The following CSMD1 variants were observed in gnomAD, a reference collection of about 807,000 sequenced individuals.
The protein encoded by CSMD1 is CUB and sushi domain-containing protein 1.
In CSMD1, 213 loss-of-function variants were observed where a neutral mutation model predicts 417.5. The observed-to-expected ratio is 0.51, with a 90% CI of 0.46 to 0.57. The LOEUF (loss-of-function observed/expected upper bound fraction) is 0.57, where lower values mean the gene tolerates loss of function less well. Ranked by LOEUF, CSMD1 falls within the 20% of genes least tolerant of loss-of-function variation. CSMD1 has a pLI of 0.00. For missense variants in CSMD1, 6,923 were observed against 4,529.7 expected (o/e 1.53, Z -15.17); for synonymous variants, 2,862 against 1,736.8 (o/e 1.65, Z -16.11).
chr8:4,017,391 C>A (rs532048316), intron 4 of CSMD1, among the ~76,000 whole-genome samples: 1 of 152,152 alleles, frequency 6.6e-6, no homozygotes, highest in African/African-American at 2.4e-5. Context: ...CTACAACCTC[C>A]GCCTCCCGGG....
intron 3 of CSMD1, among the ~76,000 whole-genome samples, chr8:4,275,523 G>A (rs188601945): frequency 6.6e-6 from 1 of 152,224 alleles, no homozygotes; most frequent in Admixed American, 6.5e-5. Context: ...TGCTGCTTTT[G>A]TAACTGTTAC....
Position 3,937,927 on chromosome 8 carries a change from A to T in CSMD1, c.818+59976T>A, listed in dbSNP as rs373958745. On this transcript the variant is annotated intron_variant, in intron 5 of 69. Coordinates refer to ENST00000635120, the MANE Select transcript of CSMD1 (RefSeq NM_033225.6). Reference sequence around the variant, plus strand: ...GAGTTATAAAACTTTATTAAACCTCAGTTCTAATGTTTAGTTACATACTAA... The same window carrying T: ...GAGTTATAAAACTTTATTAAACCTCTGTTCTAATGTTTAGTTACATACTAA... Among the ~76,000 whole-genome samples, 131 of 152,294 alleles carry T rather than the reference A, an allele frequency of 8.6e-4. 3 individuals are homozygous for T. The South Asian group carries it at 0.026, about 31-fold the overall frequency.
At chr8:4,559,679 G>T (rs886562051) in intron 2 of CSMD1, among the ~76,000 whole-genome samples, 2 of 152,128 alleles carry the variant, frequency 1.3e-5, no homozygotes, top group African/African-American at 4.8e-5. Context: ...ATACCTGAAG[G>T]TCAGTAAAAT....
At chr8:4,977,749 A>T (rs1563918948) in intron 1 of CSMD1, among the ~76,000 whole-genome samples, 2 of 152,210 alleles carry the variant, frequency 1.3e-5, no homozygotes, top group African/African-American at 4.8e-5. Context: ...GGTTGCAGGC[A>T]GGTTCACCTG....
At chr8:3,412,620 G>A (rs1489128348) in intron 12 of CSMD1, among the ~76,000 whole-genome samples, 1 of 152,154 alleles carries the variant, frequency 6.6e-6, no homozygotes, top group Non-Finnish European at 1.5e-5. Flanking sequence ...ATTTGGTTGA[G>A]GTTCAAGGTA....
intron 30 of CSMD1, among the ~76,000 whole-genome samples, chr8:3,206,143 C>G (rs1405205907): frequency 6.6e-6 from 1 of 151,354 alleles, no homozygotes; most frequent in Admixed American, 6.6e-5. Context: ...TTTGGGGTCT[C>G]TTCCTATGAG....
intron 3 of CSMD1, among the ~76,000 whole-genome samples, chr8:4,203,655 T>C (rs1006155007): frequency 1.3e-5 from 2 of 152,028 alleles, no homozygotes; most frequent in Admixed American, 6.6e-5. Flanking sequence ...ACATTGGAAG[T>C]TGGTTCCTCT....
chr8:4,898,310 G>A (rs914309995), intron 1 of CSMD1, among the ~76,000 whole-genome samples: 2 of 152,072 alleles, frequency 1.3e-5, no homozygotes, highest in African/African-American at 2.4e-5. Flanking sequence ...CAAGACACCT[G>A]TCATCTTTGA....
rs114745753 is a variant in CSMD1, at chr8:4,593,310, G to C, written c.302+44032C>G. Among the ~76,000 whole-genome samples the C allele has an allele frequency of 1.0e-3, 156 of 152,238 alleles. 2 individuals carry two copies. The highest frequency in any genetic ancestry group is 3.6e-3 in the African/African-American group (149 of 41,538). On this transcript the variant is annotated intron_variant, in intron 2 of 69. Transcript: ENST00000635120. ...TCCCTCTCCTCTTTACGCATACATAGCAAATTAATTAAATACTTCTGCAGC... is the reference window on the plus strand; with the variant it reads ...TCCCTCTCCTCTTTACGCATACATACCAAATTAATTAAATACTTCTGCAGC...
chr8:3,670,672 T>A (rs553536600), intron 7 of CSMD1, among the ~76,000 whole-genome samples: 1 of 143,548 alleles, frequency 7.0e-6, no homozygotes, highest in Admixed American at 7.0e-5. Flanking sequence ...TATATGTACA[T>A]GGTTATATAT....
At chr8:4,784,777 C>T (rs1012833769) in intron 1 of CSMD1, among the ~76,000 whole-genome samples, 8 of 152,172 alleles carry the variant, frequency 5.3e-5, no homozygotes, top group African/African-American at 1.7e-4. Context: ...ACAATTCTCT[C>T]TTCATATAAC....
intron 6 of CSMD1, among the ~76,000 whole-genome samples, chr8:3,737,230 T>A (rs200577750): frequency 1.5e-5 from 1 of 68,370 alleles, no homozygotes; most frequent in Admixed American, 1.7e-4. Flanking sequence ...GATTTTTTGC[T>A]TTCTAGAGAT....
chr8:4,635,416 G>C (rs1003659138), intron 2 of CSMD1, among the ~76,000 whole-genome samples: 3 of 151,980 alleles, frequency 2.0e-5, no homozygotes, highest in Non-Finnish European at 4.4e-5. Flanking sequence ...AGTACCATAA[G>C]ACCATAAGAG....
At chr8:3,269,772 C>G (rs1162863307) in intron 26 of CSMD1, among the ~76,000 whole-genome samples, 1 of 152,140 alleles carries the variant, frequency 6.6e-6, no homozygotes, top group East Asian at 1.9e-4. Flanking sequence ...AAGTGTCAGG[C>G]TGATTACAAT....
At chr8:3,525,483 T>C (rs762771327) in intron 10 of CSMD1, among the ~76,000 whole-genome samples, 1 of 152,168 alleles carries the variant, frequency 6.6e-6, no homozygotes. Context: ...TGAAGAGCTA[T>C]CCTCCGTGAT....
chr8:4,924,730 A>G (rs1806737612), intron 1 of CSMD1, among the ~76,000 whole-genome samples: 1 of 151,362 alleles, frequency 6.6e-6, no homozygotes, highest in African/African-American at 2.4e-5. Flanking sequence ...CTCAAAAAAA[A>G]AAAAAAAAAA....
At chr8:3,636,422 C>T (rs1193872487) in intron 7 of CSMD1, among the ~76,000 whole-genome samples, 3 of 152,186 alleles carry the variant, frequency 2.0e-5, no homozygotes, top group East Asian at 1.9e-4. Context: ...AGGTGATCCG[C>T]CCGCCTCAGC....
intron 12 of CSMD1, among the ~76,000 whole-genome samples, chr8:3,453,876 T>G (rs1415908455): frequency 6.6e-6 from 1 of 152,182 alleles, no homozygotes; most frequent in Non-Finnish European, 1.5e-5. Flanking sequence ...TTGTTAACTT[T>G]CTGTCTTGTT....
chr8:3,669,510 G>C (rs575396721), intron 7 of CSMD1, among the ~76,000 whole-genome samples: 12 of 152,280 alleles, frequency 7.9e-5, no homozygotes, highest in African/African-American at 2.9e-4. Context: ...GAGAATACAA[G>C]TCCCAAGTTA....
Sources: gnomAD v4.1 joint callset for allele counts (sites outside exome capture counted in the v4.1 genomes callset) on GRCh38, gnomAD v4.1.1 for gene constraint, MANE v1.5 for transcripts, NCBI Gene and HGNC (gene_info 2026-07-23, HGNC 2026-07-21) for gene names.